C3: variants seen among roughly 807,000 people sequenced by gnomAD.
C3 encodes the protein complement C3.
In C3, 97 loss-of-function variants were observed where a neutral mutation model predicts 207.9. That is an observed-to-expected ratio of 0.47 (90% CI 0.40 to 0.55). C3 has a LOEUF of 0.55. Among genes scored for constraint, C3 ranks in the 20% least tolerant of loss-of-function variants. C3 has a pLI of 0.00. For missense variants in C3, 1,684 were observed against 2,171.7 expected (o/e 0.78, Z 4.46); for synonymous variants, 848 against 857.6 (o/e 0.99, Z 0.20).
chr19:6,689,599 A>T (rs1490795313), intron 27 of C3, among the ~76,000 whole-genome samples: 1 of 152,076 alleles, frequency 6.6e-6, no homozygotes, highest in Non-Finnish European at 1.5e-5. Flanking sequence ...TAATCCGAGC[A>T]CTTTGGGAGG....
chr19:6,698,365 A>G (rs1473572926), intron 19 of C3, among the ~76,000 whole-genome samples: 1 of 152,076 alleles, frequency 6.6e-6, no homozygotes, highest in Admixed American at 6.6e-5. Flanking sequence ...TGACTCAGAG[A>G]TCTACGTGTA....
intron 14 of C3, 98 bp from the exon 15 acceptor site, chr19:6,708,027 C>T: frequency 7.1e-7 from 1 of 1,416,948 alleles, no homozygotes; most frequent in South Asian, 1.2e-5. Flanking sequence ...AATGACCCCA[C>T]CCTGTCCCAC....
chr19:6,707,238 C>T lies in C3; in HGVS notation c.2083G>A (p.Glu695Lys). 1.2e-5 allele frequency: 19 copies of T among 1,612,974 alleles called. No homozygotes were observed. The highest frequency in any genetic ancestry group is 1.6e-5 in the Non-Finnish European group (19 of 1,179,594). Residue 695 changes from glutamate to lysine, a missense_variant, in exon 17 of 41, where the codon GAG (glutamate) becomes AAG (lysine). Glu to Lys is a moderately conservative substitution (Grantham distance 56). Coordinates refer to ENST00000245907, the MANE Select transcript of C3 (RefSeq NM_000064.4). ...KYPKELRKCC[E>K]DGMRENPMRF... ...ATGGGGTTCTCCCGCATGCCGTCCT[C>T]GCAGCACTTGCGCAGCTCCTTGGGG...
rs1265992999 is a variant in C3, at chr19:6,693,095, A to C, written c.3231-12T>G. ...CGTAGGCGGTCAGCCTGGAGTGGGC[A>C]CAGAGCATGAGCCAATCGGCTCTGA... is the stretch of plus-strand genomic sequence containing the variant. On this transcript the variant is annotated splice_polypyrimidine_tract_variant and intron_variant, in intron 25 of 40. Transcript: ENST00000245907. 1 of 1,613,762 alleles carries C rather than the reference A, an allele frequency of 6.2e-7. No homozygotes were observed. The highest frequency in any genetic ancestry group is 8.5e-7 in the Non-Finnish European group (1 of 1,179,912).
chr19:6,714,306 C>T (rs747177157), intron 5 of C3, 46 bp downstream of exon 5: 23 of 1,606,570 alleles, frequency 1.4e-5, no homozygotes, highest in African/African-American at 5.3e-5. Context: ...GCTCCCTCTC[C>T]GGGGATAGGG....
chr19:6,699,947 G>C (rs1021516479), intron 19 of C3, among the ~76,000 whole-genome samples: 9 of 148,544 alleles, frequency 6.1e-5, no homozygotes, highest in African/African-American at 2.0e-4. Flanking sequence ...AATAATAAAT[G>C]ATACATCATT....
rs111756342 is a variant in C3 at position 6,701,513 on chromosome 19, C to T, written c.2440+614G>A. ...GCCATGTCTGTGTCGTCTTTCAGAG[C>T]ATACGGTCACTTTTTATTTATTTAG... On this transcript the variant is annotated intron_variant, in intron 19 of 40. Transcript: ENST00000245907. 7.0e-3 allele frequency among the ~76,000 whole-genome samples: 1,071 copies of T among 152,256 alleles called. 14 individuals are homozygous for T. The highest frequency in any genetic ancestry group is 0.025 in the African/African-American group (1,031 of 41,538).
At chr19:6,681,659 A>G (rs751754372) in intron 35 of C3, among the ~76,000 whole-genome samples, 5 of 152,146 alleles carry the variant, frequency 3.3e-5, no homozygotes, top group Non-Finnish European at 7.4e-5. Flanking sequence ...TTAAAAAAAA[A>G]ACCAAAAAAA....
chr19:6,714,522 G>C (rs563856509), intron 4 of C3, 76 bp from the exon 5 acceptor site: 2 of 1,002,118 alleles, frequency 2.0e-6, no homozygotes, highest in Non-Finnish European at 3.2e-6. Context: ...AGCTCTCCCC[G>C]ACCTGTGTCT....
Position 6,677,765 on chromosome 19 carries a change from T to G in C3, c.*117A>C. 7.8e-7 allele frequency: 1 copy of G among 1,279,766 alleles called. No homozygotes were observed. The highest frequency in any genetic ancestry group is 1.1e-6 in the Non-Finnish European group (1 of 902,628). The allele number at this position is 1,279,766 out of a possible 1,614,324, so 79.3% of individuals were successfully genotyped here. ...GGAACAGGTGAGGTTTCAAGTAGGA[T>G]GGAGCTGAGCTGCAGGTGAGGCGGC... On this transcript the variant is annotated 3_prime_UTR_variant, in exon 41 of 41. Coordinates refer to ENST00000245907, the MANE Select transcript of C3 (RefSeq NM_000064.4).
At chr19:6,697,993 TTATTATTATTA>T in intron 19 of C3, among the ~76,000 whole-genome samples, 199 bp from the exon 20 acceptor site, 2 of 4,334 alleles carry the variant, frequency 4.6e-4, no homozygotes, top group African/African-American at 2.4e-3. Context: ...CCATTATTTA[TTATTATTATTA>T]TTATTATTAT....
rs1917745827 is a variant in C3, at chr19:6,677,813, T to C, written c.*69A>G. On this transcript the variant is annotated 3_prime_UTR_variant, in exon 41 of 41. Transcript: ENST00000245907. ...GGCTGGGGATTTCAGCCTCTCCCTC[T>C]TGGCAAAGAACTCCAGACACGTGAG... 11 of 1,597,538 alleles carry C rather than the reference T, an allele frequency of 6.9e-6. 1 individual carries two copies. In the South Asian group the frequency reaches 1.1e-4, roughly 16 times the overall value.
At chr19:6,689,298 CCTCTCT>C (rs371248769) in intron 27 of C3, among the ~76,000 whole-genome samples, 3 of 113,046 alleles carry the variant, frequency 2.7e-5, no homozygotes, top group Non-Finnish European at 5.5e-5. Flanking sequence ...CCCCACCTCT[CCTCTCT>C]CTCTCTCTCT....
intron 17 of C3, among the ~76,000 whole-genome samples, chr19:6,704,897 C>CA (rs1197483325): frequency 0.049 from 5,666 of 114,754 alleles, 353 homozygotes; most frequent in African/African-American, 0.16. Context: ...GATTCCATCT[C>CA]AAAAAAAAAA....
Position 6,692,909 on chromosome 19 carries a change from A to G in C3, c.3390+15T>C. The G allele has an allele frequency of 6.2e-7, 1 of 1,613,524 alleles. No homozygotes were observed. The highest frequency in any genetic ancestry group is 8.5e-7 in the Non-Finnish European group (1 of 1,179,918). Reference sequence around the variant, plus strand: ...GCCCCTCTCTTCCATTTTGCCCTAAATCCCAGCCTCTTACAATCATTTCTT... The same window carrying G: ...GCCCCTCTCTTCCATTTTGCCCTAAGTCCCAGCCTCTTACAATCATTTCTT... On this transcript the variant is annotated intron_variant, in intron 26 of 40. Transcript: ENST00000245907.
Position 6,684,968 on chromosome 19 carries a change from G to C in C3, c.3969+20C>G, listed in dbSNP as rs761177208. ...GGGGGAGACAGCCAGAGTGAGGAGG[G>C]CTTGGCTGGGTGACTGTACCTCTTC... On this transcript the variant is annotated intron_variant, in intron 30 of 40. Transcript: ENST00000245907. The C allele has an allele frequency of 6.2e-6, 10 of 1,613,126 alleles. No homozygotes were observed. In the East Asian group the frequency reaches 2.0e-4, roughly 32 times the overall value.
intron 17 of C3, among the ~76,000 whole-genome samples, chr19:6,705,682 G>A (rs988188092): frequency 7.5e-5 from 9 of 119,522 alleles, no homozygotes; most frequent in Non-Finnish European, 1.4e-4. Flanking sequence ...GTTTTGTTTT[G>A]TTTTGTTTTT....
rs5826945 is a variant in C3, at chr19:6,697,077, A to T, written c.2796+267T>A. Reference sequence around the variant, plus strand: ...ACAAACAAATAAATAAATAAATAAAAAATTTCAAATCGAGTATAAAAAAAT... The same window carrying T: ...ACAAACAAATAAATAAATAAATAAATAATTTCAAATCGAGTATAAAAAAAT... On this transcript the variant is annotated intron_variant, in intron 21 of 40. Coordinates refer to ENST00000245907, the MANE Select transcript of C3 (RefSeq NM_000064.4). Among the ~76,000 whole-genome samples, 19,337 of 48,970 alleles carry T rather than the reference A, an allele frequency of 0.39. 3,153 individuals carry two copies. Among genetic ancestry groups the T allele is most frequent in the East Asian group, 0.55 (404 of 740 alleles). 32.1% of individuals were successfully genotyped at this position (48,970 alleles called of 152,430 possible). A position where few individuals can be genotyped will look rare whatever the true frequency, so the allele number is the denominator to read the frequency against.
Position 6,684,353 on chromosome 19 carries a change from T to C in C3, c.4172+35A>G, listed in dbSNP as rs373566976. ...AGAATTCTTGCTAGAGATAGAGGGATGGCCAAGATGAACCCCGGTGACCTA... is the reference window on the plus strand; with the variant it reads ...AGAATTCTTGCTAGAGATAGAGGGACGGCCAAGATGAACCCCGGTGACCTA... On this transcript the variant is annotated intron_variant, in intron 33 of 40. Coordinates refer to ENST00000245907, the MANE Select transcript of C3 (RefSeq NM_000064.4). 9.0e-5 allele frequency: 140 copies of C among 1,549,728 alleles called. 1 individual carries two copies. The African/African-American group carries it at 1.4e-3, about 15-fold the overall frequency.
Sources: gnomAD v4.1 joint callset for allele counts (sites outside exome capture counted in the v4.1 genomes callset) on GRCh38, gnomAD v4.1.1 for gene constraint, MANE v1.5 for transcripts, NCBI Gene and HGNC (gene_info 2026-07-23, HGNC 2026-07-21) for gene names.